The following RPL6 variants were observed in gnomAD, a reference collection of about 807,000 sequenced individuals.
RPL6 encodes the protein large ribosomal subunit protein eL6.
In RPL6, 1 loss-of-function variant was observed where a neutral mutation model predicts 32.1. The observed-to-expected ratio is 0.03, with a 90% confidence interval of 0.01 to 0.15. The LOEUF (loss-of-function observed/expected upper bound fraction) is 0.15. RPL6 is among the 10% of genes least tolerant of loss of function. RPL6 has a pLI of 1.00. For synonymous variants in RPL6, 126 were observed against 131.6 expected, an observed-to-expected ratio of 0.96 and a Z score of 0.29; for missense variants, 275 against 354.6, an observed-to-expected ratio of 0.78 and a Z score of 1.80.
chr12:112,414,571 A>C (rs1253938090), upstream of RPL6, among the ~76,000 whole-genome samples: 1 of 152,204 alleles, frequency 6.6e-6, no homozygotes, highest in Non-Finnish European at 1.5e-5. Context: ...CAGAGGAGTC[A>C]AATGACTTGC....
intron 1 of RPL6, chr12:112,418,555 T>C: frequency 8.7e-6 from 2 of 231,140 alleles, no homozygotes; most frequent in Non-Finnish European, 1.7e-5. Flanking sequence ...ACTATCTTTA[T>C]CTTACAGAAA....
intron 3 of RPL6, 36 bp from the exon 4 acceptor site, chr12:112,406,926 A>T: frequency 1.2e-6 from 2 of 1,609,992 alleles, no homozygotes; most frequent in Non-Finnish European, 1.7e-6. Flanking sequence ...TATTTAAATA[A>T]GCCATTCAGA....
In RPL6 at chr12:112,408,041, A is replaced by AG. The variant is rs2037229195; in HGVS notation, c.336+198dup. 50 of 584,146 alleles carry AG rather than the reference A, an allele frequency of 8.6e-5. 2 individuals are homozygous for AG. The South Asian group carries it at 9.9e-4, about 12-fold the overall frequency. The allele number at this position is 584,146 out of a possible 1,614,324, so 36.2% of individuals were successfully genotyped here. ...AGCCTCATTCCCATATTATATGCAA[A>AG]GGAACAAAGCACAGACGAGTAATTT... On this transcript the variant is annotated intron_variant, in intron 3 of 6. Transcript: ENST00000202773.
chr12:112,409,543 G>C (rs1014770007), intron 1 of RPL6, 44 bp downstream of exon 1: 5 of 398,600 alleles, frequency 1.3e-5, no homozygotes, highest in African/African-American at 2.1e-5. Flanking sequence ...CGAAGGATTG[G>C]GAGTCCTGAA....
chr12:112,406,214 C>G, intron 5 of RPL6, 80 bp downstream of exon 5: 1 of 1,312,972 alleles, frequency 7.6e-7, no homozygotes, highest in Non-Finnish European at 1.1e-6. Context: ...ACCATGTAGG[C>G]AGTAGCAAAC....
At chr12:112,406,707 G>C in intron 4 of RPL6, 40 bp downstream of exon 4, 10 of 1,609,750 alleles carry the variant, frequency 6.2e-6, no homozygotes, top group Non-Finnish European at 6.8e-6. Flanking sequence ...AGGCACCCCA[G>C]GCAGCTGCAG....
intron 1 of RPL6, among the ~76,000 whole-genome samples, chr12:112,417,549 ACCCGG>A (rs1308508718): frequency 1.5e-4 from 13 of 86,448 alleles, no homozygotes; most frequent in African/African-American, 6.1e-4. Context: ...CTTCCGTACC[ACCCGG>A]CCCGGCTTTT....
chr12:112,406,365 TTA>T, intron 4 of RPL6, 23 bp from the exon 5 acceptor site: 1 of 1,601,518 alleles, frequency 6.2e-7, no homozygotes, highest in Non-Finnish European at 8.5e-7. Context: ...AAGAAAATAA[TTA>T]GTTTTCTGCA....
intron 1 of RPL6, chr12:112,409,352 C>T (rs1020420631): frequency 5.1e-6 from 2 of 395,922 alleles, no homozygotes; most frequent in East Asian, 7.2e-5. Flanking sequence ...GGGCCTCGTT[C>T]CCCCAGCCCA....
At position 112,406,819 on chromosome 12, in the gene RPL6, G is replaced by T. The variant is rs143023126; in HGVS notation, c.408C>A (p.His136Gln). Reference sequence around the variant, plus strand: ...TAATGCTGGCTCGCAGTTTTCTCACGTGCTGACTGAAGGGTTTTTTGCCGT... The same window carrying T: ...TAATGCTGGCTCGCAGTTTTCTCACTTGCTGACTGAAGGGTTTTTTGCCGT... ...LSHGKKPFSQ[H>Q]VRKLRASITP... Residue 136 changes from histidine (H) to glutamine (Q), a missense_variant, in exon 4 of 7, where the codon CAC becomes CAA. His to Gln is a conservative substitution (Grantham distance 24, BLOSUM62 0). Transcript: ENST00000202773. The T allele has an allele frequency of 2.5e-6, 4 of 1,614,100 alleles. No individual in the cohort carries two copies. The highest frequency in any genetic ancestry group is 3.4e-6 in the Non-Finnish European group (4 of 1,180,034).
chr12:112,406,113 T>C lies in RPL6; in HGVS notation c.530-76A>G, dbSNP rs1459861945. The C allele has an allele frequency of 3.7e-6, 5 of 1,364,398 alleles. No homozygotes were observed. The East Asian group carries it at 1.1e-4, about 31-fold the overall frequency. The allele number at this position is 1,364,398 out of a possible 1,614,324, so 84.5% of individuals were successfully genotyped here. On this transcript the variant is annotated intron_variant, in intron 5 of 6. Transcript: ENST00000202773. ...CTGCAATTTAGGTGACCATTACTTG[T>C]TATGTTGCTACACAAAGAAGACCAC... is the stretch of plus-strand genomic sequence containing the variant.
At chr12:112,411,725 G>T (rs1391144367), upstream of RPL6, among the ~76,000 whole-genome samples, 1 of 152,012 alleles carries the variant, frequency 6.6e-6, no homozygotes, top group African/African-American at 2.4e-5. Flanking sequence ...GTGTTTTGTT[G>T]CGGTATTGCA....
chr12:112,414,742 A>G (rs1346791716), upstream of RPL6, among the ~76,000 whole-genome samples: 2 of 152,042 alleles, frequency 1.3e-5, no homozygotes, highest in Non-Finnish European at 2.9e-5. Context: ...TCTCTACTAA[A>G]AAAATACAAA....
chr12:112,418,235 C>A (rs1566149551), intron 1 of RPL6: 1 of 151,796 alleles, frequency 6.6e-6, no homozygotes, highest in African/African-American at 2.4e-5. Context: ...ACCTCGGCCT[C>A]CCAAAGTGCT....
At chr12:112,418,653 A>G (rs529664965) in intron 1 of RPL6, 32 of 288,070 alleles carry the variant, frequency 1.1e-4, no homozygotes, top group Non-Finnish European at 2.0e-4. Flanking sequence ...GATTTGTGGA[A>G]CGAAATGAAT....
intron 1 of RPL6, among the ~76,000 whole-genome samples, chr12:112,416,313 G>A (rs540369074): frequency 1.3e-5 from 2 of 151,982 alleles, no homozygotes; most frequent in East Asian, 3.9e-4. Flanking sequence ...CTAATCTTTT[G>A]TATTTTTAGT....
At chr12:112,407,551 A>G (rs1179689918) in intron 3 of RPL6, 1 of 153,002 alleles carries the variant, frequency 6.5e-6, no homozygotes, top group Non-Finnish European at 1.5e-5. Context: ...TTCAACTGTG[A>G]AACTGTATGG....
intron 1 of RPL6, among the ~76,000 whole-genome samples, chr12:112,416,133 ATTTTTTTTTTTTT>A (rs1168421826): frequency 2.0e-5 from 1 of 51,052 alleles, no homozygotes; most frequent in Non-Finnish European, 3.7e-5. Context: ...TAAATTTTGT[ATTTTTTTTTTTTT>A]TTTTTTTTTT....
Position 112,405,958 on chromosome 12 carries a change from G to A in RPL6, c.609C>T (p.Ile203=), listed in dbSNP as rs2037150268. 2 of 1,614,048 alleles carry A rather than the reference G, an allele frequency of 1.2e-6. No individual in the cohort carries two copies. Among genetic ancestry groups the A allele is most frequent in the Non-Finnish European group, 1.7e-6 (2 of 1,179,972 alleles). Residue 203 remains isoleucine, a synonymous_variant, in exon 6 of 7, where the codon ATC becomes ATT. Transcript: ENST00000202773. ...GATGTTTTGGGATTTTTACATTGCT[G>A]ATATCGATTTTGGTTGAAGTGGCAA... ...FVIATSTKID[I]SNVKIPKHLT...
Sources: allele counts gnomAD v4.1 joint callset (sites outside exome capture counted in the v4.1 genomes callset), GRCh38; gene constraint gnomAD v4.1.1; transcripts MANE v1.5; gene names NCBI Gene and HGNC (gene_info 2026-07-23, HGNC 2026-07-21).